The following CCNY variants were observed in gnomAD, a reference collection of about 807,000 sequenced individuals.
CCNY encodes cyclin Y.
Under a neutral mutation model 42.8 loss-of-function variants are expected in CCNY, and 19 were observed. That is an observed-to-expected ratio of 0.44 (90% CI 0.31 to 0.65). The LOEUF (loss-of-function observed/expected upper bound fraction) is 0.65. CCNY is among the 30% of genes least tolerant of loss of function. The pLI, the probability that CCNY is intolerant of heterozygous loss-of-function variation, is 0.07. For synonymous variants in CCNY, 165 were observed against 162.7 expected (o/e 1.01, Z -0.11); for missense variants, 370 against 437.3 (o/e 0.85, Z 1.37).
At chr10:35,490,611 C>T (rs1180425379) in intron 2 of CCNY, among the ~76,000 whole-genome samples, 3 of 152,226 alleles carry the variant, frequency 2.0e-5, no homozygotes, top group African/African-American at 7.2e-5. Flanking sequence ...TGTTGGAAAC[C>T]ATCCTCACTG....
intron 8 of CCNY, among the ~76,000 whole-genome samples, chr10:35,555,132 A>G (rs773825076): frequency 2.0e-5 from 3 of 152,178 alleles, no homozygotes; most frequent in African/African-American, 7.2e-5. Flanking sequence ...ACTGATGTCC[A>G]TGTTACAGAT....
At chr10:35,524,052 C>T (rs187204780) in intron 4 of CCNY, among the ~76,000 whole-genome samples, 46 of 152,250 alleles carry the variant, frequency 3.0e-4, no homozygotes, top group Admixed American at 1.0e-3. Flanking sequence ...GACTAGTAAA[C>T]GAATGAAACT....
rs528569911 is a variant in CCNY at position 35,341,257 on chromosome 10, T to G, written c.154+4050T>G. On this transcript the variant is annotated intron_variant, in intron 1 of 9. Coordinates refer to ENST00000374704, the MANE Select transcript of CCNY (RefSeq NM_145012.6). ...AGACACAAACTTCCACCCCGTTCTC[T>G]CCCTCTGCCTGAAGTGTCCTCCATG... 2.6e-5 allele frequency among the ~76,000 whole-genome samples: 4 copies of G among 152,244 alleles called. No individual in the cohort carries two copies. In the East Asian group the frequency reaches 5.8e-4, roughly 22 times the overall value.
At chr10:35,456,243 G>A (rs1839033283) in intron 1 of CCNY, among the ~76,000 whole-genome samples, 1 of 152,184 alleles carries the variant, frequency 6.6e-6, no homozygotes, top group Non-Finnish European at 1.5e-5. Flanking sequence ...GCATCTCTGT[G>A]TCTGTCTCCC....
chr10:35,324,077 T>C (rs1835852821), intron 3 of CCNY, among the ~76,000 whole-genome samples: 1 of 151,982 alleles, frequency 6.6e-6, no homozygotes. Flanking sequence ...TAAATATATT[T>C]GGTGTACAAA....
chr10:35,351,147 G>A (rs1836420713), intron 1 of CCNY, among the ~76,000 whole-genome samples: 1 of 152,188 alleles, frequency 6.6e-6, no homozygotes, highest in African/African-American at 2.4e-5. Flanking sequence ...AGAGCTCAAA[G>A]GGGACTGCCC....
At chr10:35,546,176 TA>T (rs1841112445) in intron 7 of CCNY, among the ~76,000 whole-genome samples, 1 of 152,242 alleles carries the variant, frequency 6.6e-6, no homozygotes, top group South Asian at 2.1e-4. Context: ...ACGGCAGATT[TA>T]AAGTCCAGAA....
At chr10:35,454,414 C>T (rs1027569877) in intron 1 of CCNY, among the ~76,000 whole-genome samples, 10 of 152,210 alleles carry the variant, frequency 6.6e-5, no homozygotes, top group Non-Finnish European at 1.3e-4. Context: ...ACTGTGAACC[C>T]CCCACCAGGA....
chr10:35,325,376 C>A (rs1410933218), intron 3 of CCNY, among the ~76,000 whole-genome samples: 5 of 151,928 alleles, frequency 3.3e-5, no homozygotes, highest in African/African-American at 1.2e-4. Context: ...AGGGGTTTCA[C>A]CACGTTGGCC....
intron 1 of CCNY, among the ~76,000 whole-genome samples, chr10:35,471,479 A>T (rs192404051): frequency 6.6e-6 from 1 of 152,248 alleles, no homozygotes; most frequent in Non-Finnish European, 1.5e-5. Context: ...TTAAAAGCCA[A>T]GATGAGCAAT....
intron 3 of CCNY, among the ~76,000 whole-genome samples, chr10:35,324,837 CTATA>C (rs541137208): frequency 1.3e-5 from 2 of 151,942 alleles, no homozygotes; most frequent in African/African-American, 4.8e-5. Flanking sequence ...ATAAATTAGC[CTATA>C]TTTATCCTTC....
chr10:35,477,167 T>G (rs1462038584), intron 1 of CCNY, among the ~76,000 whole-genome samples: 1 of 151,504 alleles, frequency 6.6e-6, no homozygotes, highest in Non-Finnish European at 1.5e-5. Flanking sequence ...CCAAAAAGAG[T>G]CCAGGACCAG....
chr10:35,541,218 T>C (rs1840994128), intron 7 of CCNY, among the ~76,000 whole-genome samples: 1 of 152,182 alleles, frequency 6.6e-6, no homozygotes, highest in South Asian at 2.1e-4. Context: ...TATTTTTTAA[T>C]AAACTTTTGT....
chr10:35,256,021 C>T (rs1308596874), intron 3 of CCNY, among the ~76,000 whole-genome samples: 20 of 152,090 alleles, frequency 1.3e-4, no homozygotes, highest in Non-Finnish European at 2.6e-4. Flanking sequence ...CATCCCTGTC[C>T]TATTTTACTT....
At chr10:35,435,744 A>G (rs2135286726) in intron 1 of CCNY, among the ~76,000 whole-genome samples, 1 of 152,296 alleles carries the variant, frequency 6.6e-6, no homozygotes, top group South Asian at 2.1e-4. Context: ...GACTCAGTGG[A>G]CATGTGCTCA....
chr10:35,527,929 C>G (rs1432587906), intron 5 of CCNY, among the ~76,000 whole-genome samples: 1 of 152,192 alleles, frequency 6.6e-6, no homozygotes, highest in Non-Finnish European at 1.5e-5. Flanking sequence ...AGGAAACAGT[C>G]TACTTCTCAG....
intron 1 of CCNY, among the ~76,000 whole-genome samples, chr10:35,379,965 A>C (rs1027004045): frequency 3.3e-5 from 5 of 152,198 alleles, no homozygotes; most frequent in African/African-American, 4.8e-5. Flanking sequence ...CTGTCATATG[A>C]AGCATTCCAC....
At chr10:35,456,965 A>C (rs1170949447) in intron 1 of CCNY, among the ~76,000 whole-genome samples, 1 of 152,262 alleles carries the variant, frequency 6.6e-6, no homozygotes, top group East Asian at 1.9e-4. Flanking sequence ...TCTCTGTCAC[A>C]TGTTAATATT....
chr10:35,351,319 C>G (rs1176074198), intron 1 of CCNY, among the ~76,000 whole-genome samples: 1 of 152,202 alleles, frequency 6.6e-6, no homozygotes, highest in Non-Finnish European at 1.5e-5. Flanking sequence ...CTCTTCAGGT[C>G]AATTTAGGCA....
Sources: gnomAD v4.1 joint callset for allele counts (sites outside exome capture counted in the v4.1 genomes callset) on GRCh38, gnomAD v4.1.1 for gene constraint, MANE v1.5 for transcripts, NCBI Gene and HGNC (gene_info 2026-07-23, HGNC 2026-07-21) for gene names.